The following ALDH8A1 variants were observed in gnomAD, a reference collection of about 807,000 sequenced individuals.
The protein encoded by ALDH8A1 is aldehyde dehydrogenase 8 family member A1, also known as 2-aminomuconic semialdehyde dehydrogenase.
Under a neutral mutation model 43.3 loss-of-function variants are expected in ALDH8A1, and 39 were observed. The observed-to-expected ratio is 0.90, with a 90% CI of 0.70 to 1.18. The LOEUF is 1.18. ALDH8A1 is among the 50% of genes most tolerant of loss of function. The pLI, the probability that ALDH8A1 is intolerant of heterozygous loss-of-function variation, is 0.00. For missense variants in ALDH8A1, 605 were observed against 622.6 expected (o/e 0.97, Z 0.30); for synonymous variants, 233 against 243.5 (o/e 0.96, Z 0.40).
chr6:134,918,747 T>A lies in ALDH8A1; in HGVS notation c.1132A>T (p.Ile378Leu), dbSNP rs373644944. 7.4e-6 allele frequency: 12 copies of A among 1,614,108 alleles called. No homozygotes were observed. The highest frequency in any genetic ancestry group is 5.0e-5 in the Admixed American group (3 of 60,014). ...CAGGATTCATCCTTAATGTCTGTTA[T>A]CACCGTGGGAAGCATAAAGTAGCCT... is the stretch of plus-strand genomic sequence containing the variant. ...QAGYFMLPTV[I>L]TDIKDESCCM... is the part of the protein sequence containing the mutation. Residue 378 changes from isoleucine to leucine, a missense_variant, in exon 7 of 7, where the codon ATA becomes TTA. Physicochemically the swap from Ile to Leu is conservative, Grantham distance 5. Transcript: ENST00000265605.
chr6:134,918,225 G>T lies in ALDH8A1; in HGVS notation c.*190C>A. ...CCTACTTATAAGTCTTTTTTTCCGA[G>T]TCCACATTGAAAATAGACAGTATCT... On this transcript the variant is annotated 3_prime_UTR_variant, in exon 7 of 7. Transcript: ENST00000265605. 1 of 590,728 alleles carries T rather than the reference G, an allele frequency of 1.7e-6. No homozygotes were observed. Among genetic ancestry groups the T allele is most frequent in the Non-Finnish European group, 2.9e-6 (1 of 339,810 alleles). The allele number at this position is 590,728 out of a possible 1,614,324, so 36.6% of individuals were successfully genotyped here.
At chr6:134,946,724 G>A (rs755808262) in intron 1 of ALDH8A1, among the ~76,000 whole-genome samples, 5 of 138,856 alleles carry the variant, frequency 3.6e-5, no homozygotes, top group Non-Finnish European at 8.1e-5. Flanking sequence ...TCTAGTATGT[G>A]CTTATAACTG....
At position 134,938,848 on chromosome 6, in the gene ALDH8A1, C is replaced by T. The variant is rs113074406; in HGVS notation, c.592+418G>A. Among the ~76,000 whole-genome samples the T allele has an allele frequency of 3.6e-3, 548 of 152,110 alleles. 6 individuals carry two copies. Among genetic ancestry groups the T allele is most frequent in the Non-Finnish European group, 6.5e-3 (444 of 67,986 alleles). Reference sequence around the variant, plus strand: ...ATTTTTAGTAGAGACGGGGTTTCATCGTATTAGCCAGGATGGTCTCGATCT... The same window carrying T: ...ATTTTTAGTAGAGACGGGGTTTCATTGTATTAGCCAGGATGGTCTCGATCT... On this transcript the variant is annotated intron_variant, in intron 4 of 6. Transcript: ENST00000265605.
intron 1 of ALDH8A1, among the ~76,000 whole-genome samples, chr6:134,945,878 G>C (rs1376897604): frequency 1.3e-5 from 2 of 152,126 alleles, no homozygotes; most frequent in East Asian, 1.9e-4. Flanking sequence ...TAATCCCCCT[G>C]TGTTGAGGGA....
At chr6:134,933,215 C>G (rs1469885936) in intron 4 of ALDH8A1, among the ~76,000 whole-genome samples, 183 bp from the exon 5 acceptor site, 3 of 152,152 alleles carry the variant, frequency 2.0e-5, no homozygotes, top group African/African-American at 7.2e-5. Context: ...AAGCAAAAAC[C>G]ACAGATTCAC....
In ALDH8A1 at chr6:134,929,217, T is replaced by G. The variant is rs1562253506; in HGVS notation, c.850-2A>C. 1.9e-6 allele frequency: 3 copies of G among 1,613,698 alleles called. No homozygotes were observed. The highest frequency in any genetic ancestry group is 1.7e-6 in the Non-Finnish European group (2 of 1,179,818). ...GCTGGTACAGAGACAGATTTCACCC[T>G]GCCAAGAATGAGAACAGGGATAAGG... On this transcript the variant is annotated splice_acceptor_variant, in intron 5 of 6. Coordinates refer to ENST00000265605, the MANE Select transcript of ALDH8A1 (RefSeq NM_022568.4). LOFTEE classifies it high-confidence loss of function.
chr6:134,925,809 GT>G (rs1448127702), intron 6 of ALDH8A1, among the ~76,000 whole-genome samples: 5 of 152,154 alleles, frequency 3.3e-5, no homozygotes, highest in Non-Finnish European at 7.4e-5. Flanking sequence ...TGTATATAGG[GT>G]AGGCAGGAAA....
chr6:134,943,945 C>T lies in ALDH8A1; in HGVS notation c.160G>A (p.Ala54Thr), dbSNP rs375471579. Residue 54 changes from alanine (A) to threonine (T), a missense_variant, in exon 2 of 7, where the codon GCC (alanine) becomes ACC (threonine). By Grantham distance (58) the Ala-to-Thr change is moderately conservative. Coordinates refer to ENST00000265605, the MANE Select transcript of ALDH8A1 (RefSeq NM_022568.4). ...KDEIEAAVKA[A>T]REAFPSWSSR... ...GACCAGCTGGGAAAGGCTTCTCTGG[C>T]GGCCTTGACCGCGGCTTCGATCTTT... 64 of 1,613,910 alleles carry T rather than the reference C, an allele frequency of 4.0e-5. No individual in the cohort carries two copies. Among genetic ancestry groups the T allele is most frequent in the African/African-American group, 9.3e-5 (7 of 74,946 alleles).
rs766414611 is a variant in ALDH8A1, at chr6:134,918,434, GT to G, written c.1444del (p.Thr482ProfsTer10). 1 of 1,614,148 alleles carries G rather than the reference GT, an allele frequency of 6.2e-7. No homozygotes were observed. The highest frequency in any genetic ancestry group is 2.2e-5 in the East Asian group (1 of 44,872). On this transcript the variant is annotated frameshift_variant, in exon 7 of 7. Coordinates refer to ENST00000265605, the MANE Select transcript of ALDH8A1 (RefSeq NM_022568.4). LOFTEE classifies it high-confidence loss of function. Reference protein sequence around the residue: ...DSYDFFTEIKTITVKH With the variant: ...DSYDFFTEIKXITVKH ...CAAAGATCAGTGTTTAACGGTGATG[GT>G]TTTGATCTCAGTGAAGAAGTCGTAA...
At chr6:134,929,746 G>A (rs1259411079) in intron 5 of ALDH8A1, among the ~76,000 whole-genome samples, 1 of 152,126 alleles carries the variant, frequency 6.6e-6, no homozygotes, top group Non-Finnish European at 1.5e-5. Context: ...AGGTCAGGAG[G>A]CCAGCAAGGC....
chr6:134,924,263 C>G (rs1776850525), intron 6 of ALDH8A1, among the ~76,000 whole-genome samples: 2 of 152,184 alleles, frequency 1.3e-5, no homozygotes, highest in African/African-American at 4.8e-5. Flanking sequence ...CTGCTACCAT[C>G]TGCCATGGAC....
At position 134,942,430 on chromosome 6, in the gene ALDH8A1, C is replaced by A; in HGVS notation, c.421G>T (p.Val141Leu). The stretch of plus-strand genomic sequence containing the variant: ...TCACCGACTCCCACCGGGGCCCGCA[C>A]CGTGTAGTGCATGCAGCCCAGGTGG... ...MDHLGCMHYT[V>L]RAPVGVAGLI... Residue 141 changes from valine to leucine, a missense_variant, in exon 3 of 7, where the codon GTG becomes TTG. Coordinates refer to ENST00000265605, the MANE Select transcript of ALDH8A1 (RefSeq NM_022568.4). The A allele has an allele frequency of 1.2e-6, 2 of 1,613,756 alleles. No individual in the cohort carries two copies. The highest frequency in any genetic ancestry group is 1.7e-6 in the Non-Finnish European group (2 of 1,179,746).
Position 134,932,778 on chromosome 6 carries a change from G to C in ALDH8A1, c.847C>G (p.Gln283Glu), listed in dbSNP as rs747979535. 1 of 1,614,030 alleles carries C rather than the reference G, an allele frequency of 6.2e-7. No homozygotes were observed. The highest frequency in any genetic ancestry group is 8.5e-7 in the Non-Finnish European group (1 of 1,179,932). ...GAGAAGAACCCCCGGGGACATACCTGGTTGGCAAAGCTGGACCTGACGGTT... is the reference window on the plus strand; with the variant it reads ...GAGAAGAACCCCCGGGGACATACCTCGTTGGCAAAGCTGGACCTGACGGTT... ...PATVRSSFANQGEICLCTSRI... is the reference protein window; with the variant it reads ...PATVRSSFANEGEICLCTSRI... Residue 283 changes from glutamine to glutamate, a missense_variant and splice_region_variant, in exon 5 of 7, where the codon CAG becomes GAG. Physicochemically the swap from Gln to Glu is conservative, Grantham distance 29. Transcript: ENST00000265605.
chr6:134,939,337 G>GCGA lies in ALDH8A1; in HGVS notation c.520_521insTCG (p.Thr174delinsIleAla). ...CAGCTCACTGGGCTTGGCTATCACA[G>GCGA]TGTTCCCTGCAGCCATCGCTGGAGC... On this transcript the variant is annotated protein_altering_variant, in exon 4 of 7. Coordinates refer to ENST00000265605, the MANE Select transcript of ALDH8A1 (RefSeq NM_022568.4). 1 of 1,614,196 alleles carries GCGA rather than the reference G, an allele frequency of 6.2e-7. No homozygotes were observed. The highest frequency in any genetic ancestry group is 8.5e-7 in the Non-Finnish European group (1 of 1,180,038).
In ALDH8A1 at chr6:134,944,776, C is replaced by A. The variant is rs369059452; in HGVS notation, c.139-810G>T. ...TTGTGGTGCATGCCTGTAGTCCCAG[C>A]TACTCAGGAGGCTAAGGTGGGAGGA... is the stretch of plus-strand genomic sequence containing the variant. On this transcript the variant is annotated intron_variant, in intron 1 of 6. Transcript: ENST00000265605. 2.7e-4 allele frequency among the ~76,000 whole-genome samples: 41 copies of A among 152,016 alleles called. No homozygotes were observed. The East Asian group carries it at 2.7e-3, about 10-fold the overall frequency.
chr6:134,938,399 A>C (rs1391313704), intron 4 of ALDH8A1, among the ~76,000 whole-genome samples: 1 of 152,246 alleles, frequency 6.6e-6, no homozygotes, highest in African/African-American at 2.4e-5. Flanking sequence ...TATTAGCAGA[A>C]AAAGAACAAG....
At chr6:134,939,214 T>A in intron 4 of ALDH8A1, 52 bp downstream of exon 4, 1 of 1,601,578 alleles carries the variant, frequency 6.2e-7, no homozygotes, top group Non-Finnish European at 8.5e-7. Context: ...TTCTATAAAC[T>A]ATAGGTTTGC....
Position 134,945,022 on chromosome 6 carries a change from ATATCT to A in ALDH8A1, c.139-1061_139-1057del, listed in dbSNP as rs541281628. The stretch of plus-strand genomic sequence containing the variant: ...CTAAAGCTTCTAACTCAGCTCTGAC[ATATCT>A]TATAAAGTCTGAAATTTTGGGTGAA... On this transcript the variant is annotated intron_variant, in intron 1 of 6. Coordinates refer to ENST00000265605, the MANE Select transcript of ALDH8A1 (RefSeq NM_022568.4). Among the ~76,000 whole-genome samples, 999 of 151,182 alleles carry A rather than the reference ATATCT, an allele frequency of 6.6e-3. 2 individuals are homozygous for A. Among genetic ancestry groups the A allele is most frequent in the Non-Finnish European group, 1.0e-2 (676 of 67,834 alleles).
chr6:134,943,984 G>A lies in ALDH8A1; in HGVS notation c.139-18C>T, dbSNP rs562927468. The A allele has an allele frequency of 1.2e-6, 2 of 1,611,466 alleles. No individual in the cohort carries two copies. The highest frequency in any genetic ancestry group is 1.1e-5 in the South Asian group (1 of 90,592). ...GCTTCGATCTTTGAGGAGCAAATGG[G>A]AGAAAGGGTCACCTTAAAGCTGTTA... is the stretch of plus-strand genomic sequence containing the variant. On this transcript the variant is annotated intron_variant, in intron 1 of 6. Coordinates refer to ENST00000265605, the MANE Select transcript of ALDH8A1 (RefSeq NM_022568.4).
Sources: allele counts gnomAD v4.1 joint callset (sites outside exome capture counted in the v4.1 genomes callset), GRCh38; gene constraint gnomAD v4.1.1; transcripts MANE v1.5; gene names NCBI Gene and HGNC (gene_info 2026-07-23, HGNC 2026-07-21).